Variants in NLGN1 observed in about 807,000 individuals in gnomAD.
NLGN1 encodes neuroligin-1.
NLGN1 carries 12 observed loss-of-function variants against 65.5 expected under a neutral mutation model. That is an observed-to-expected ratio of 0.18 (90% confidence interval 0.12 to 0.30). NLGN1 has a LOEUF of 0.30. Ranked by LOEUF, NLGN1 falls within the 10% of genes least tolerant of loss-of-function variation. The pLI, the probability that NLGN1 is intolerant of heterozygous loss-of-function variation, is 1.00. For missense variants in NLGN1, 750 were observed against 1,007.1 expected (o/e 0.74, Z 3.46); for synonymous variants, 350 against 359.5 (o/e 0.97, Z 0.30).
intron 4 of NLGN1, among the ~76,000 whole-genome samples, chr3:173,864,549 G>A (rs1203360301): frequency 3.9e-5 from 6 of 152,170 alleles, no homozygotes; most frequent in Non-Finnish European, 2.9e-5. Context: ...CATATTTTAA[G>A]TGACTGATAT....
the NLGN1 span, among the ~76,000 whole-genome samples, chr3:174,293,766 G>C: frequency 1.3e-5 from 2 of 151,702 alleles, no homozygotes; most frequent in South Asian, 2.1e-4. Context: ...CTGGGGAGTT[G>C]TAGAAAGAAT....
chr3:173,866,000 AC>A (rs1444187983), intron 4 of NLGN1, among the ~76,000 whole-genome samples: 1 of 151,970 alleles, frequency 6.6e-6, no homozygotes, highest in Non-Finnish European at 1.5e-5. Context: ...CTTTAACTAA[AC>A]TCTACCTCGG....
At chr3:174,125,855 G>A (rs531192460) in intron 4 of NLGN1, among the ~76,000 whole-genome samples, 1 of 152,166 alleles carries the variant, frequency 6.6e-6, no homozygotes, top group East Asian at 1.9e-4. Context: ...GAGAGTAGTC[G>A]TCGGTCACTT....
intron 4 of NLGN1, among the ~76,000 whole-genome samples, chr3:174,187,540 C>T (rs1000487102): frequency 6.6e-6 from 1 of 151,938 alleles, no homozygotes; most frequent in Non-Finnish European, 1.5e-5. Flanking sequence ...GTATGGATGA[C>T]GTGGATTCTG....
chr3:173,494,343 GT>G (rs577655963), intron 2 of NLGN1, among the ~76,000 whole-genome samples: 5 of 149,210 alleles, frequency 3.4e-5, no homozygotes, highest in African/African-American at 9.9e-5. Flanking sequence ...TTAGTGAAAT[GT>G]TTTTTTTTCT....
intron 3 of NLGN1, among the ~76,000 whole-genome samples, chr3:173,716,011 A>G (rs3907668): frequency 0.68 from 102,832 of 151,968 alleles, 34,951 homozygotes; most frequent in East Asian, 0.9. Flanking sequence ...AATACCTAAT[A>G]CATAAATATG....
At chr3:173,791,068 T>G (rs1442893271) in intron 3 of NLGN1, among the ~76,000 whole-genome samples, 2 of 152,204 alleles carry the variant, frequency 1.3e-5, no homozygotes. Context: ...ATAACAAACA[T>G]ATAAGTTGTC....
At chr3:173,928,569 C>A (rs1743445964) in intron 4 of NLGN1, among the ~76,000 whole-genome samples, 2 of 151,986 alleles carry the variant, frequency 1.3e-5, no homozygotes, top group Admixed American at 6.6e-5. Context: ...AAATAAAAGG[C>A]CTTTGCCTTA....
chr3:173,991,624 A>G (rs1030865391), intron 4 of NLGN1, among the ~76,000 whole-genome samples: 3 of 152,182 alleles, frequency 2.0e-5, no homozygotes, highest in African/African-American at 4.8e-5. Flanking sequence ...GGCTTGTTCT[A>G]CTATATTGGA....
chr3:173,611,513 T>C (rs541187174), intron 3 of NLGN1, among the ~76,000 whole-genome samples: 2 of 152,168 alleles, frequency 1.3e-5, no homozygotes, highest in Non-Finnish European at 2.9e-5. Flanking sequence ...CACCACACAC[T>C]GAAATAATTA....
chr3:173,493,277 C>T lies in NLGN1; in HGVS notation c.-321+58199C>T, dbSNP rs1037283570. On this transcript the variant is annotated intron_variant, in intron 2 of 6. Transcript: ENST00000457714. Reference sequence around the variant, plus strand: ...TGTTTATGAGATATGAACCACAGTCCCTGCCTTCTGGATGTGTGCCATATT... The same window carrying T: ...TGTTTATGAGATATGAACCACAGTCTCTGCCTTCTGGATGTGTGCCATATT... Among the ~76,000 whole-genome samples, 15 of 151,766 alleles carry T rather than the reference C, an allele frequency of 9.9e-5. 2 individuals carry two copies. The highest frequency in any genetic ancestry group is 3.6e-4 in the African/African-American group (15 of 41,152).
chr3:173,818,331 C>T (rs1209219575), intron 4 of NLGN1, among the ~76,000 whole-genome samples: 1 of 152,050 alleles, frequency 6.6e-6, no homozygotes. Flanking sequence ...CGATGTGCTA[C>T]AAAAATGAAT....
At chr3:174,289,358 T>C (rs1752470047), downstream of NLGN1, among the ~76,000 whole-genome samples, 1 of 151,364 alleles carries the variant, frequency 6.6e-6, no homozygotes, top group Non-Finnish European at 1.5e-5. Context: ...TTGTTAATGA[T>C]AGAAAAGTGA....
chr3:173,478,562 TA>T (rs1331386868), intron 2 of NLGN1, among the ~76,000 whole-genome samples: 1 of 152,132 alleles, frequency 6.6e-6, no homozygotes, highest in African/African-American at 2.4e-5. Flanking sequence ...AAATAAAAAT[TA>T]AAAAAATTTT....
intron 1 of NLGN1, among the ~76,000 whole-genome samples, chr3:173,420,172 C>T (rs1714755721): frequency 6.6e-6 from 1 of 151,582 alleles, no homozygotes; most frequent in African/African-American, 2.4e-5. Flanking sequence ...GTGTGCTGCA[C>T]CCATTAACTT....
At chr3:173,404,923 G>A (rs939255233) in intron 1 of NLGN1, among the ~76,000 whole-genome samples, 7 of 151,994 alleles carry the variant, frequency 4.6e-5, no homozygotes, top group Admixed American at 1.3e-4. Context: ...TTCCACAATC[G>A]TTCTCTACTA....
At chr3:174,140,989 T>A (rs1432281104) in intron 4 of NLGN1, among the ~76,000 whole-genome samples, 1 of 152,108 alleles carries the variant, frequency 6.6e-6, no homozygotes, top group Non-Finnish European at 1.5e-5. Context: ...TCTAGAATAG[T>A]TAAAAGCCAA....
chr3:173,534,382 T>C (rs185832317), intron 2 of NLGN1, among the ~76,000 whole-genome samples: 4 of 152,330 alleles, frequency 2.6e-5, no homozygotes, highest in Admixed American at 6.5e-5. Flanking sequence ...ATTATCAAAT[T>C]CATTAGGTTG....
rs191233003 is a variant in NLGN1, at chr3:173,840,222, G to T, written c.646+32390G>T. ...TATCATTCAAGAAAAAGGGGACAAA[G>T]TCTTCCCAGATCATCTGAATTTGGG... is the stretch of plus-strand genomic sequence containing the variant. On this transcript the variant is annotated intron_variant, in intron 4 of 6. Transcript: ENST00000457714. Among the ~76,000 whole-genome samples, 4 of 152,202 alleles carry T rather than the reference G, an allele frequency of 2.6e-5. No homozygotes were observed. In the East Asian group the frequency reaches 7.7e-4, roughly 29 times the overall value.
Sources: allele counts gnomAD v4.1 joint callset (sites outside exome capture counted in the v4.1 genomes callset), GRCh38; gene constraint gnomAD v4.1.1; transcripts MANE v1.5; gene names NCBI Gene and HGNC (gene_info 2026-07-23, HGNC 2026-07-21).